The following CDH18 variants were observed in gnomAD, a reference collection of about 807,000 sequenced individuals.
CDH18 encodes cadherin 18.
In CDH18, 31 loss-of-function variants were observed where a neutral mutation model predicts 67.9. That is an observed-to-expected ratio of 0.46 (90% CI 0.34 to 0.62). The LOEUF (loss-of-function observed/expected upper bound fraction) is 0.62, where lower values mean the gene tolerates loss of function less well. Among genes scored for constraint, CDH18 ranks in the 20% least tolerant of loss-of-function variants. The probability of loss-of-function intolerance (pLI) is 0.01; values close to 1 mark genes in which losing one functional copy is unlikely to be tolerated. For synonymous variants in CDH18, 362 were observed against 347.2 expected (o/e 1.04, Z -0.48); for missense variants, 890 against 975.5 (o/e 0.91, Z 1.17).
intron 2 of CDH18, among the ~76,000 whole-genome samples, chr5:20,201,431 T>A (rs891765452): frequency 3.9e-5 from 6 of 152,138 alleles, no homozygotes; most frequent in Non-Finnish European, 7.4e-5. Context: ...ATTAATGACA[T>A]CAGTGAAGGC....
chr5:19,680,059 C>T (rs1383221270), intron 5 of CDH18, among the ~76,000 whole-genome samples: 1 of 151,886 alleles, frequency 6.6e-6, no homozygotes, highest in Non-Finnish European at 1.5e-5. Flanking sequence ...GATAAAGTAA[C>T]CAAAACTGTA....
intron 1 of CDH18, among the ~76,000 whole-genome samples, chr5:20,489,300 C>A (rs558972271): frequency 1.8e-4 from 27 of 152,010 alleles, no homozygotes; most frequent in Non-Finnish European, 3.4e-4. Context: ...CAAATGATAC[C>A]AGACAATAAT....
intron 3 of CDH18, among the ~76,000 whole-genome samples, chr5:19,781,686 C>T (rs769054066): frequency 6.6e-6 from 1 of 151,866 alleles, no homozygotes. Context: ...TCTCTCTCAA[C>T]GTTAGAGTTT....
intron 1 of CDH18, among the ~76,000 whole-genome samples, chr5:20,530,861 T>C (rs1052769080): frequency 1.1e-4 from 17 of 151,874 alleles, no homozygotes; most frequent in African/African-American, 3.9e-4. Context: ...CAAAAGCAAT[T>C]GCAACAAGAG....
At chr5:20,289,513 G>T (rs1479398317) in intron 1 of CDH18, among the ~76,000 whole-genome samples, 1 of 151,880 alleles carries the variant, frequency 6.6e-6, no homozygotes, top group Admixed American at 6.6e-5. Flanking sequence ...ATTTGAAAGT[G>T]CACTACACTA....
At chr5:19,873,195 A>G (rs558401154) in intron 2 of CDH18, among the ~76,000 whole-genome samples, 1 of 142,540 alleles carries the variant, frequency 7.0e-6, no homozygotes, top group African/African-American at 2.5e-5. Flanking sequence ...TCAGGTAATT[A>G]TCTTCTGAGA....
intron 5 of CDH18, among the ~76,000 whole-genome samples, chr5:19,648,855 A>T (rs987365512): frequency 1.1e-4 from 16 of 151,848 alleles, no homozygotes; most frequent in African/African-American, 3.6e-4. Flanking sequence ...GCAGAGTTAG[A>T]CAAAAATGAC....
At chr5:19,525,843 T>C (rs17283376) in intron 9 of CDH18, among the ~76,000 whole-genome samples, 15,115 of 152,232 alleles carry the variant, frequency 0.099, 1,019 homozygotes, top group Non-Finnish European at 0.13. Flanking sequence ...AACCTATTCA[T>C]GGGATTTACA....
intron 1 of CDH18, among the ~76,000 whole-genome samples, chr5:20,429,379 A>G (rs1360938539): frequency 6.6e-6 from 1 of 152,172 alleles, no homozygotes; most frequent in Non-Finnish European, 1.5e-5. Flanking sequence ...AGGAAAAGTC[A>G]TTGTATATTT....
intron 2 of CDH18, among the ~76,000 whole-genome samples, chr5:20,172,197 T>TAC (rs1736788220): frequency 2.0e-5 from 1 of 50,466 alleles, no homozygotes; most frequent in South Asian, 7.1e-4. Flanking sequence ...TGTGTATATA[T>TAC]ATATATATAT....
intron 1 of CDH18, among the ~76,000 whole-genome samples, chr5:20,464,537 A>C (rs1751502660): frequency 6.6e-6 from 1 of 152,204 alleles, no homozygotes; most frequent in Non-Finnish European, 1.5e-5. Flanking sequence ...GGAATGGAAT[A>C]GAATATTGAA....
chr5:20,555,514 C>T (rs564676756), intron 1 of CDH18, among the ~76,000 whole-genome samples: 178 of 144,714 alleles, frequency 1.2e-3, no homozygotes, highest in Non-Finnish European at 2.2e-3. Context: ...GCGCAATCTC[C>T]GTTCACTGCA....
intron 5 of CDH18, among the ~76,000 whole-genome samples, chr5:19,660,195 A>AT (rs1212636615): frequency 1.3e-5 from 2 of 152,010 alleles, no homozygotes; most frequent in East Asian, 3.9e-4. Flanking sequence ...ACATTTTTTC[A>AT]TTTTTTGCAG....
intron 3 of CDH18, among the ~76,000 whole-genome samples, chr5:19,767,565 G>T (rs183341356): frequency 3.6e-4 from 54 of 152,002 alleles, no homozygotes; most frequent in Non-Finnish European, 2.1e-4. Flanking sequence ...AAGTCATAGA[G>T]AAATTAAAAC....
At chr5:20,520,608 T>A (rs1441150008) in intron 1 of CDH18, among the ~76,000 whole-genome samples, 2 of 152,128 alleles carry the variant, frequency 1.3e-5, no homozygotes, top group Non-Finnish European at 2.9e-5. Flanking sequence ...CCTATATATT[T>A]AAATAATTAA....
chr5:19,916,208 C>T (rs1258799258), intron 2 of CDH18, among the ~76,000 whole-genome samples: 1 of 152,126 alleles, frequency 6.6e-6, no homozygotes, highest in East Asian at 1.9e-4. Flanking sequence ...TTTATGCCAG[C>T]CCATAGAGCA....
intron 1 of CDH18, among the ~76,000 whole-genome samples, chr5:20,504,322 G>T (rs973084333): frequency 6.6e-6 from 1 of 152,094 alleles, no homozygotes; most frequent in Non-Finnish European, 1.5e-5. Flanking sequence ...TGAAAAATCT[G>T]CCATATGAAA....
At chr5:20,333,491 G>A (rs1390685937) in intron 1 of CDH18, among the ~76,000 whole-genome samples, 1 of 132,948 alleles carries the variant, frequency 7.5e-6, no homozygotes, top group Non-Finnish European at 1.6e-5. Flanking sequence ...TGGTGACAGA[G>A]CAAGACTCCA....
chr5:19,861,369 C>T (rs1463368900), intron 2 of CDH18, among the ~76,000 whole-genome samples: 11 of 151,878 alleles, frequency 7.2e-5, no homozygotes, highest in Non-Finnish European at 7.4e-5. Flanking sequence ...ACCCAGGAGC[C>T]GGGAGGAGGC....
Sources: gnomAD v4.1 joint callset for allele counts (sites outside exome capture counted in the v4.1 genomes callset) on GRCh38, gnomAD v4.1.1 for gene constraint, MANE v1.5 for transcripts, NCBI Gene and HGNC (gene_info 2026-07-23, HGNC 2026-07-21) for gene names.